The following OSER1 variants were observed in gnomAD, a reference collection of about 807,000 sequenced individuals.
OSER1 encodes the protein oxidative stress responsive serine rich 1.
A neutral mutation model predicts 26.3 loss-of-function variants in OSER1; 15 were observed. The ratio of observed to expected loss-of-function variants is 0.57; its 90% confidence interval spans 0.38 to 0.88. OSER1 has a LOEUF of 0.88. Among genes scored for constraint, OSER1 ranks in the 40% least tolerant of loss-of-function variants. The pLI is 0.00. For synonymous variants in OSER1, 127 were observed against 128.2 expected (o/e 0.99, Z 0.07); for missense variants, 313 against 353.9 (o/e 0.88, Z 0.93).
chr20:44,209,162 A>C (rs2073070632), intron 1 of OSER1, among the ~76,000 whole-genome samples: 1 of 152,236 alleles, frequency 6.6e-6, no homozygotes, highest in Non-Finnish European at 1.5e-5. Context: ...TGATCACCCT[A>C]GATGTTAATA....
chr20:44,200,535 T>C (rs3817994), intron 3 of OSER1, among the ~76,000 whole-genome samples: 46,517 of 152,094 alleles, frequency 0.31, 10,653 homozygotes, highest in African/African-American at 0.63. Context: ...AAAAAGTTTG[T>C]CAACCTCTGA....
intron 3 of OSER1, among the ~76,000 whole-genome samples, chr20:44,201,214 G>A (rs1191048642): frequency 1.3e-5 from 2 of 152,304 alleles, no homozygotes; most frequent in African/African-American, 4.8e-5. Flanking sequence ...GTACTCTAGA[G>A]ATGGTTTAAA....
At position 44,197,353 on chromosome 20, in the gene OSER1, T is replaced by C. The variant is rs553942581; in HGVS notation, c.578A>G (p.Gln193Arg). The part of the protein sequence containing the change: ...SDFQSVSKLN[Q>R]GKPCTCIGKE... ...GCCTATGCATGTGCATGGCTTGCCC[T>C]GGTTTAGCTTGGAAACTGATTGAAA... Residue 193 changes from glutamine (Q) to arginine (R), a missense_variant, in exon 4 of 4, where the codon CAG becomes CGG. Physicochemically the swap from Gln to Arg is conservative, Grantham distance 43. Transcript: ENST00000255174. 2 of 1,614,266 alleles carry C rather than the reference T, an allele frequency of 1.2e-6. No individual in the cohort carries two copies. Among genetic ancestry groups the C allele is most frequent in the African/African-American group, 2.7e-5 (2 of 75,074 alleles).
At chr20:44,204,494 AG>A in intron 2 of OSER1, among the ~76,000 whole-genome samples, 1 of 151,666 alleles carries the variant, frequency 6.6e-6, no homozygotes, top group Non-Finnish European at 1.5e-5. Context: ...ATTTTACTCA[AG>A]GCAGAATACA....
Position 44,197,623 on chromosome 20 carries a change from C to A in OSER1, c.308G>T (p.Ser103Ile), listed in dbSNP as rs1295143624. 1 of 1,614,084 alleles carries A rather than the reference C, an allele frequency of 6.2e-7. No homozygotes were observed. The highest frequency in any genetic ancestry group is 8.5e-7 in the Non-Finnish European group (1 of 1,179,964). ...CTGGCTTTTGTGCTTGAGTTGACTG[C>A]TGGAAGAAGACGCTATTGTACTGCA... ...IHCSTIASSS[S>I]SQLKHKSQTD... Residue 103 changes from serine to isoleucine, a missense_variant, in exon 4 of 4, where the codon AGC (serine) becomes ATC (isoleucine). Physicochemically the swap from Ser to Ile is moderately radical, Grantham distance 142. Around this residue, in one of 2 missense-constraint regions of OSER1, gnomAD observed 300 missense variants for 318.3 expected, o/e 0.94. Coordinates refer to ENST00000255174, the MANE Select transcript of OSER1 (RefSeq NM_016470.8).
At position 44,197,102 on chromosome 20, in the gene OSER1, A is replaced by G. The variant is rs1363105647; in HGVS notation, c.829T>C (p.Leu277=). The stretch of plus-strand genomic sequence containing the variant: ...TGGGACATTTTCTTGGGAATATACA[A>G]GTAATACTCCATGTAGCCTGACAGG... ...EDLSGYMEYY[L]YIPKKMSHMA... Residue 277 remains leucine, a synonymous_variant, in exon 4 of 4, where the codon TTG becomes CTG. Transcript: ENST00000255174. The G allele has an allele frequency of 6.2e-7, 1 of 1,613,496 alleles. No individual in the cohort carries two copies. The highest frequency in any genetic ancestry group is 1.3e-5 in the African/African-American group (1 of 74,930).
intron 3 of OSER1, among the ~76,000 whole-genome samples, chr20:44,200,895 A>G (rs1177206939): frequency 6.6e-6 from 1 of 152,262 alleles, no homozygotes; most frequent in Non-Finnish European, 1.5e-5. Flanking sequence ...TAACGAAACC[A>G]GAAGACAATG....
rs1434996796 is a variant in OSER1 at position 44,202,500 on chromosome 20, C to A, written c.191+461G>T. ...ACTACATAATAAAAGTTTCAATTCA[C>A]CAGAAAGAAAACATTCTAAACCTAT... On this transcript the variant is annotated intron_variant, in intron 3 of 3. Coordinates refer to ENST00000255174, the MANE Select transcript of OSER1 (RefSeq NM_016470.8). 3.3e-5 allele frequency among the ~76,000 whole-genome samples: 5 copies of A among 152,092 alleles called. 1 individual carries two copies. The South Asian group carries it at 1.0e-3, about 32-fold the overall frequency.
At position 44,196,845 on chromosome 20, in the gene OSER1, T is replaced by A. The variant is rs2072923684; in HGVS notation, c.*207A>T. 3 of 512,032 alleles carry A rather than the reference T, an allele frequency of 5.9e-6. No homozygotes were observed. The Admixed American group carries it at 1.0e-4, about 17-fold the overall frequency. 31.7% of individuals were successfully genotyped at this position (512,032 alleles called of 1,614,324 possible). The stretch of plus-strand genomic sequence containing the variant: ...CTAAATAAGGGGGATTTTTCTTTGA[T>A]CTGCTCGCCTTGAAGTGTATGTAAG... On this transcript the variant is annotated 3_prime_UTR_variant, in exon 4 of 4. Coordinates refer to ENST00000255174, the MANE Select transcript of OSER1 (RefSeq NM_016470.8).
In OSER1 at chr20:44,196,930, T is replaced by A. The variant is rs1022132662; in HGVS notation, c.*122A>T. Reference sequence around the variant, plus strand: ...ACTGAGATGCCAAGAAAAGTTTTTATTGCAAGCACAGTGAGCAGAAAGAGA... The same window carrying A: ...ACTGAGATGCCAAGAAAAGTTTTTAATGCAAGCACAGTGAGCAGAAAGAGA... On this transcript the variant is annotated 3_prime_UTR_variant, in exon 4 of 4. Coordinates refer to ENST00000255174, the MANE Select transcript of OSER1 (RefSeq NM_016470.8). 1.5e-6 allele frequency: 1 copy of A among 683,952 alleles called. No homozygotes were observed. Among genetic ancestry groups the A allele is most frequent in the South Asian group, 1.9e-5 (1 of 53,458 alleles). The allele number at this position is 683,952 out of a possible 1,614,324, so 42.4% of individuals were successfully genotyped here. A position where few individuals can be genotyped will look rare whatever the true frequency, so the allele number is the denominator to read the frequency against.
chr20:44,197,491 A>T lies in OSER1; in HGVS notation c.440T>A (p.Val147Asp). 1 of 1,614,188 alleles carries T rather than the reference A, an allele frequency of 6.2e-7. No homozygotes were observed. Among genetic ancestry groups the T allele is most frequent in the Non-Finnish European group, 8.5e-7 (1 of 1,180,024 alleles). ...SLDANHTGAV[V>D]EPLRTSVPRL... ...TGGAACAGAAGTTCTCAAAGGCTCAACGACTGCCCCTGTGTGATTAGCATC... is the reference window on the plus strand; with the variant it reads ...TGGAACAGAAGTTCTCAAAGGCTCATCGACTGCCCCTGTGTGATTAGCATC... The change falls in exon 4 of 4, where the codon GTT (valine) becomes GAT (aspartate). Residue 147 changes from valine to aspartate, a missense_variant. Val to Asp is a radical substitution (Grantham distance 152). This residue lies in a region of OSER1 where 300 missense variants were observed against 318.3 expected (regional missense o/e 0.94). Transcript: ENST00000255174.
At chr20:44,197,800 C>A (rs1429038001) in intron 3 of OSER1, 61 bp from the exon 4 acceptor site, 2 of 1,126,728 alleles carry the variant, frequency 1.8e-6, no homozygotes, top group South Asian at 3.0e-5. Flanking sequence ...TAAACAGATT[C>A]TTTATGACAG....
At chr20:44,202,082 G>C (rs1378784276) in intron 3 of OSER1, among the ~76,000 whole-genome samples, 2 of 152,178 alleles carry the variant, frequency 1.3e-5, no homozygotes, top group African/African-American at 2.4e-5. Flanking sequence ...CAGAACGCTT[G>C]AAAGACTAGT....
At chr20:44,197,837 A>G (rs2072937937) in intron 3 of OSER1, 98 bp from the exon 4 acceptor site, 1 of 737,620 alleles carries the variant, frequency 1.4e-6, no homozygotes, top group Non-Finnish European at 2.2e-6. Context: ...CCTCAGCTTT[A>G]TGAGTCTAAG....
intron 2 of OSER1, among the ~76,000 whole-genome samples, chr20:44,205,370 T>C (rs958046220): frequency 6.6e-6 from 1 of 152,216 alleles, no homozygotes; most frequent in Non-Finnish European, 1.5e-5. Flanking sequence ...CAAGACAATT[T>C]ATCAAAGTAC....
chr20:44,207,245 G>T (rs1225169360), intron 1 of OSER1: 1 of 235,918 alleles, frequency 4.2e-6, no homozygotes, highest in Non-Finnish European at 8.2e-6. Flanking sequence ...CACAATTTTG[G>T]AAACTAGATG....
At chr20:44,204,543 A>G (rs796228145) in intron 2 of OSER1, among the ~76,000 whole-genome samples, 168 of 152,246 alleles carry the variant, frequency 1.1e-3, no homozygotes, top group African/African-American at 3.6e-3. Flanking sequence ...TTCAGCTTTT[A>G]CTTTAGATAC....
At chr20:44,208,337 CACTTT>C (rs1237544582) in intron 1 of OSER1, among the ~76,000 whole-genome samples, 2 of 151,140 alleles carry the variant, frequency 1.3e-5, no homozygotes, top group African/African-American at 4.9e-5. Flanking sequence ...CAGGACTTTT[CACTTT>C]ACTTATTTGC....
At chr20:44,201,897 A>C (rs952425644) in intron 3 of OSER1, among the ~76,000 whole-genome samples, 3 of 152,252 alleles carry the variant, frequency 2.0e-5, no homozygotes, top group African/African-American at 7.2e-5. Context: ...AATAGAAAAA[A>C]GCAGGACAAA....
Sources: gnomAD v4.1 joint callset for allele counts (sites outside exome capture counted in the v4.1 genomes callset) on GRCh38, gnomAD v4.1.1 for gene constraint, gnomAD v4.1.1 regional missense constraint, MANE v1.5 for transcripts, NCBI Gene and HGNC (gene_info 2026-07-23, HGNC 2026-07-21) for gene names.